Variants in C4orf50 observed in about 807,000 individuals in gnomAD.
C4orf50 encodes the protein uncharacterized protein C4orf50.
C4orf50 carries 80 observed loss-of-function variants against 77.2 expected under a neutral mutation model. That is an observed-to-expected ratio of 1.04 (90% confidence interval 0.87 to 1.25). The LOEUF is 1.25. C4orf50 is among the 50% of genes most tolerant of loss of function. The probability of loss-of-function intolerance (pLI) is 0.00; values close to 1 mark genes in which losing one functional copy is unlikely to be tolerated. For missense variants in C4orf50, 1,257 were observed against 1,152.9 expected (o/e 1.09, Z -1.31); for synonymous variants, 532 against 465.3 (o/e 1.14, Z -1.84).
intron 7 of C4orf50, among the ~76,000 whole-genome samples, chr4:5,944,154 T>TC (rs1210973191): frequency 1.3e-5 from 2 of 152,196 alleles, no homozygotes; most frequent in African/African-American, 4.8e-5. Flanking sequence ...TTCCCTGGCC[T>TC]CCTGGTTCCT....
intron 7 of C4orf50, among the ~76,000 whole-genome samples, chr4:5,911,394 T>A (rs1193598547): frequency 1.3e-5 from 2 of 152,212 alleles, no homozygotes; most frequent in African/African-American, 4.8e-5. Flanking sequence ...AATTCGTTCA[T>A]GAGTGAAGTT....
At chr4:5,980,439 TTTTG>T (rs1228790254) in intron 28 of C4orf50, 101 bp from the exon 7 acceptor site, 78 of 1,138,362 alleles carry the variant, frequency 6.9e-5, no homozygotes, top group Middle Eastern at 2.1e-4. Context: ...TAGTTTTTTT[TTTTG>T]TTGTTGTTGT....
In C4orf50 at chr4:5,908,271, T is replaced by C. The variant is rs539736662; in HGVS notation, c.*2475-10083A>G. Among the ~76,000 whole-genome samples the C allele has an allele frequency of 3.3e-5, 5 of 152,198 alleles. No individual in the cohort carries two copies. Among genetic ancestry groups the C allele is most frequent in the Admixed American group, 2.0e-4 (3 of 15,288 alleles). ...GAAATGCTGGGTTACAAAGTAACAG[T>C]GTACTAAAGAGAGTCAGATGAAGGA... On this transcript the variant is annotated intron_variant, in intron 7 of 7. Transcript: ENST00000324058. The surrounding 1 kb of genome is among the most constrained non-coding windows in gnomAD (Gnocchi z 5.6).
At chr4:5,964,767 C>CAAAAAAA (rs71171498) in intron 33 of C4orf50, among the ~76,000 whole-genome samples, 11 of 107,978 alleles carry the variant, frequency 1.0e-4, no homozygotes, top group African/African-American at 2.9e-4. Context: ...GACTCTGTCT[C>CAAAAAAA]AAAAAAAAAA....
chr4:5,983,963 T>C (rs1015695629), intron 28 of C4orf50, among the ~76,000 whole-genome samples: 1 of 152,208 alleles, frequency 6.6e-6, no homozygotes, highest in African/African-American at 2.4e-5. Flanking sequence ...TGGAGGTTAA[T>C]TGGTGAAGAG....
At chr4:5,948,430 C>T (rs983898092) in intron 7 of C4orf50, among the ~76,000 whole-genome samples, 5 of 152,034 alleles carry the variant, frequency 3.3e-5, no homozygotes, top group East Asian at 3.9e-4. Context: ...TTTGGGAGGC[C>T]GAGGTGGGTG....
At chr4:5,988,698 C>A (rs1407266335) in exon 28 of C4orf50, 2 of 1,536,098 alleles carry the variant, frequency 1.3e-6, no homozygotes. Flanking sequence ...GCTCCCTTCC[C>A]CTCACCAAAC....
Position 5,992,457 on chromosome 4 carries a change from G to A in C4orf50, c.1221+346C>T. 6.6e-6 allele frequency among the ~76,000 whole-genome samples: 1 copy of A among 151,962 alleles called. No homozygotes were observed. On this transcript the variant is annotated intron_variant, in intron 27 of 33. Transcript: ENST00000531445. This position sits in a 1 kb window ranked among gnomAD's most constrained non-coding sequence, Gnocchi z 5.0. The stretch of plus-strand genomic sequence containing the variant: ...TCTCGGGGTCCACCTCCAAGCTGGG[G>A]ACCTTGGGGAGTCACAGCAGCCCTT...
intron 7 of C4orf50, chr4:5,903,246 G>A (rs1410818237): frequency 2.0e-5 from 3 of 152,154 alleles, no homozygotes; most frequent in Non-Finnish European, 4.4e-5. Flanking sequence ...GATTTTCCAA[G>A]AGAAGCCAGA....
chr4:5,929,392 T>C (rs377344734), intron 7 of C4orf50, among the ~76,000 whole-genome samples: 1 of 152,210 alleles, frequency 6.6e-6, no homozygotes, highest in African/African-American at 2.4e-5. Context: ...ACAACCAAGG[T>C]AGCCAGAATT....
intron 7 of C4orf50, among the ~76,000 whole-genome samples, chr4:5,926,148 C>A (rs1313481692): frequency 2.6e-5 from 4 of 152,138 alleles, no homozygotes; most frequent in Non-Finnish European, 5.9e-5. Flanking sequence ...AATCTGGTGA[C>A]CTAAACACTC....
intron 7 of C4orf50, among the ~76,000 whole-genome samples, chr4:5,933,016 T>A (rs1338758251): frequency 6.6e-6 from 1 of 152,212 alleles, no homozygotes; most frequent in Non-Finnish European, 1.5e-5. Flanking sequence ...AACAAATTTC[T>A]CCTCAGAAGA....
chr4:5,989,945 T>G, exon 28 of C4orf50: 1 of 1,422,296 alleles, frequency 7.0e-7, no homozygotes, highest in East Asian at 2.5e-5. Context: ...TCCTTGCCCC[T>G]AGCTGTCCTC....
At chr4:5,964,032 C>T (rs1246953341) in intron 33 of C4orf50, among the ~76,000 whole-genome samples, 3 of 73,008 alleles carry the variant, frequency 4.1e-5, no homozygotes, top group African/African-American at 2.6e-4. Context: ...TAGGGGGAAA[C>T]GTTAACAGAA....
At chr4:5,909,952 T>A (rs1315101093) in intron 7 of C4orf50, among the ~76,000 whole-genome samples, 1 of 151,664 alleles carries the variant, frequency 6.6e-6, no homozygotes, top group Admixed American at 6.5e-5. Context: ...GCCCCCAGCA[T>A]TTTTTCCCCC....
intron 7 of C4orf50, among the ~76,000 whole-genome samples, chr4:5,907,354 C>A (rs1172309692): frequency 1.3e-5 from 2 of 151,660 alleles, no homozygotes; most frequent in African/African-American, 2.4e-5. Context: ...AAAGTTTCAT[C>A]AAAAAAAATC....
At position 5,900,464 on chromosome 4, in the gene C4orf50, C is replaced by T. The variant is rs1716296944; in HGVS notation, c.*2475-2276G>A. The T allele has an allele frequency of 6.6e-6, 1 of 151,860 alleles. No individual in the cohort carries two copies. Among genetic ancestry groups the T allele is most frequent in the African/African-American group, 2.4e-5 (1 of 41,352 alleles). The allele number at this position is 151,860 out of a possible 1,614,324, so 9.4% of individuals were successfully genotyped here. ...AAAAGTAGGTGAGTTTCCAAGATAT[C>T]CTGGGATTCAGGGCTTCCCCAGGGC... On this transcript the variant is annotated intron_variant, in intron 7 of 7. Transcript: ENST00000324058. The surrounding 1 kb of genome is among the most constrained non-coding windows in gnomAD (Gnocchi z 4.3).
exon 29 of C4orf50, chr4:5,980,274 T>C (rs1720505979): frequency 6.2e-7 from 1 of 1,612,848 alleles, no homozygotes; most frequent in Admixed American, 1.7e-5. Context: ...CAGCACCCGG[T>C]GATGGAGCTG....
intron 25 of C4orf50, among the ~76,000 whole-genome samples, chr4:6,005,167 G>A (rs577771098): frequency 1.3e-5 from 2 of 152,294 alleles, no homozygotes; most frequent in South Asian, 2.1e-4. Context: ...CAATGTTGAA[G>A]GCTCAGCATT....
Sources: allele counts gnomAD v4.1 joint callset (sites outside exome capture counted in the v4.1 genomes callset), GRCh38; gene constraint gnomAD v4.1.1; non-coding constraint Gnocchi (gnomAD v3.1); transcripts MANE v1.5; gene names NCBI Gene and HGNC (gene_info 2026-07-23, HGNC 2026-07-21).